Variants in HTR2B observed in about 807,000 individuals in gnomAD.
HTR2B encodes the protein 5-HT 2B receptor.
A neutral mutation model predicts 39.8 loss-of-function variants in HTR2B; 31 were observed. The observed-to-expected ratio is 0.78, with a 90% CI of 0.58 to 1.05. The LOEUF (loss-of-function observed/expected upper bound fraction) is 1.05. Among genes scored for constraint, HTR2B ranks in the 50% least tolerant of loss-of-function variants. HTR2B has a pLI of 0.00. For missense variants in HTR2B, 562 were observed against 578.0 expected (o/e 0.97, Z 0.28); for synonymous variants, 210 against 207.1 (o/e 1.01, Z -0.12).
intron 2 of HTR2B, among the ~76,000 whole-genome samples, chr2:231,120,921 G>A (rs963330666): frequency 1.3e-5 from 2 of 152,124 alleles, no homozygotes; most frequent in African/African-American, 2.4e-5. Flanking sequence ...CATTAGTTTA[G>A]AAAAATCTTT....
intron 3 of HTR2B, 84 bp downstream of exon 3, chr2:231,113,645 A>T: frequency 8.2e-7 from 1 of 1,220,840 alleles, no homozygotes; most frequent in Non-Finnish European, 1.2e-6. Context: ...GCTGAGTTTC[A>T]TTGCCTACCA....
chr2:231,112,419 T>C (rs1695183498), intron 3 of HTR2B, among the ~76,000 whole-genome samples: 1 of 152,202 alleles, frequency 6.6e-6, no homozygotes, highest in African/African-American at 2.4e-5. Flanking sequence ...CCTGTTTTCT[T>C]CCCATACCAG....
intron 3 of HTR2B, among the ~76,000 whole-genome samples, chr2:231,111,775 T>C (rs1300043438): frequency 6.6e-6 from 1 of 152,244 alleles, no homozygotes; most frequent in African/African-American, 2.4e-5. Flanking sequence ...TCTTTTTTCT[T>C]ACCTACAAAA....
intron 1 of HTR2B, 125 bp downstream of exon 1, chr2:231,124,847 T>C (rs902816638): frequency 2.0e-5 from 3 of 152,186 alleles, no homozygotes; most frequent in African/African-American, 7.2e-5. Context: ...CCTTTAGCAT[T>C]AGTAAATTTT....
chr2:231,109,143 G>T lies in HTR2B; in HGVS notation c.820C>A (p.Pro274Thr), dbSNP rs1297219758. The stretch of plus-strand genomic sequence containing the variant: ...GCCACCTTTTCCGGTGACGAGCAAG[G>T]TGTTTCATCCCTTTGGAAAACTGTA... Reference protein sequence around the residue: ...VSTVFQRDETPCSSPEKVAML... With the variant: ...VSTVFQRDETTCSSPEKVAML... The change falls in exon 4 of 4, where the codon CCT (proline) becomes ACT (threonine). Residue 274 changes from proline (P) to threonine (T), a missense_variant. Physicochemically the swap from Pro to Thr is conservative, Grantham distance 38 (BLOSUM62 -1). Transcript: ENST00000258400. 6.2e-7 allele frequency: 1 copy of T among 1,614,130 alleles called. No homozygotes were observed. The highest frequency in any genetic ancestry group is 1.1e-5 in the South Asian group (1 of 91,082).
At chr2:231,117,184 A>G (rs1464013851) in intron 2 of HTR2B, among the ~76,000 whole-genome samples, 1 of 152,084 alleles carries the variant, frequency 6.6e-6, no homozygotes, top group Non-Finnish European at 1.5e-5. Context: ...TTAAGTTGGT[A>G]TGGTGAAATA....
At position 231,123,795 on chromosome 2, in the gene HTR2B, C is replaced by A. The variant is rs769725741; in HGVS notation, c.-31G>T. 6.7e-7 allele frequency: 1 copy of A among 1,501,748 alleles called. No individual in the cohort carries two copies. Among genetic ancestry groups the A allele is most frequent in the African/African-American group, 1.4e-5 (1 of 72,534 alleles). 93.0% of individuals were successfully genotyped at this position (1,501,748 alleles called of 1,614,324 possible). On this transcript the variant is annotated 5_prime_UTR_variant, in exon 2 of 4. Coordinates refer to ENST00000258400, the MANE Select transcript of HTR2B (RefSeq NM_000867.5). ...GTTTTTCTGTGATTCAATCCCGTTC[C>A]GAACAGTGGTCAGCATGGTTAGTAG... is the stretch of plus-strand genomic sequence containing the variant.
intron 2 of HTR2B, among the ~76,000 whole-genome samples, chr2:231,115,666 A>G (rs528834040): frequency 2.0e-5 from 3 of 152,142 alleles, no homozygotes; most frequent in Non-Finnish European, 2.9e-5. Context: ...ATTACCATTG[A>G]TCTTGCAGAT....
chr2:231,122,249 G>T (rs2125230632), intron 2 of HTR2B, among the ~76,000 whole-genome samples: 1 of 152,170 alleles, frequency 6.6e-6, no homozygotes, highest in Non-Finnish European at 1.5e-5. Context: ...GGTAAATGTT[G>T]ATTTAAAATG....
chr2:231,114,126 C>T (rs1382440161), intron 2 of HTR2B, among the ~76,000 whole-genome samples, 197 bp from the exon 3 acceptor site: 1 of 152,114 alleles, frequency 6.6e-6, no homozygotes, highest in East Asian at 1.9e-4. Context: ...CTTTTAAATA[C>T]ATTTTCTATT....
chr2:231,123,962 A>T lies in HTR2B; in HGVS notation c.-198T>A, dbSNP rs2125234097. 1 of 576,720 alleles carries T rather than the reference A, an allele frequency of 1.7e-6. No individual in the cohort carries two copies. Among genetic ancestry groups the T allele is most frequent in the East Asian group, 3.0e-5 (1 of 33,750 alleles). 35.7% of individuals were successfully genotyped at this position (576,720 alleles called of 1,614,324 possible). A position where few individuals can be genotyped will look rare whatever the true frequency, so the allele number is the denominator to read the frequency against. On this transcript the variant is annotated 5_prime_UTR_variant, in exon 2 of 4. Coordinates refer to ENST00000258400, the MANE Select transcript of HTR2B (RefSeq NM_000867.5). Reference sequence around the variant, plus strand: ...ACATCTGTCCATGTTTGTAGGTAAGATATCCAAGTATTTATTATTTTCTAG... The same window carrying T: ...ACATCTGTCCATGTTTGTAGGTAAGTTATCCAAGTATTTATTATTTTCTAG...
chr2:231,108,598 A>G lies in HTR2B; in HGVS notation c.1365T>C (p.Ser455=). ...GCGTATCTAGTAGAATGATTGATGA[A>G]GACTGAATGGTTGAACTTCGGAGCC... The part of the protein sequence containing the change: ...PMRLRSSTIQ[S]SSIILLDTLL... Residue 455 remains serine (S), a synonymous_variant, in exon 4 of 4, where the codon TCT becomes TCC. Coordinates refer to ENST00000258400, the MANE Select transcript of HTR2B (RefSeq NM_000867.5). 6.2e-7 allele frequency: 1 copy of G among 1,613,982 alleles called. No homozygotes were observed. The highest frequency in any genetic ancestry group is 8.5e-7 in the Non-Finnish European group (1 of 1,179,932).
chr2:231,114,044 A>G, intron 2 of HTR2B, 115 bp from the exon 3 acceptor site: 1 of 775,068 alleles, frequency 1.3e-6, no homozygotes. Flanking sequence ...GAAATTTTAT[A>G]ACTTTAACAA....
At chr2:231,123,274 G>A in intron 2 of HTR2B, 139 bp downstream of exon 2, 1 of 721,824 alleles carries the variant, frequency 1.4e-6, no homozygotes, top group Non-Finnish European at 2.5e-6. Flanking sequence ...TAAAACAAGG[G>A]ACTGTTTACT....
chr2:231,121,008 T>C (rs1695521535), intron 2 of HTR2B, among the ~76,000 whole-genome samples: 1 of 152,218 alleles, frequency 6.6e-6, no homozygotes, highest in Non-Finnish European at 1.5e-5. Flanking sequence ...TACATGCAGT[T>C]CCCAATTTAT....
intron 3 of HTR2B, among the ~76,000 whole-genome samples, chr2:231,110,343 T>C (rs1246344873): frequency 6.6e-6 from 1 of 152,164 alleles, no homozygotes. Flanking sequence ...TTTTATGACC[T>C]GGGAAAGAAA....
At chr2:231,114,220 C>A (rs912503108) in intron 2 of HTR2B, among the ~76,000 whole-genome samples, 1 of 152,068 alleles carries the variant, frequency 6.6e-6, no homozygotes, top group Admixed American at 6.5e-5. Context: ...TTTGTCGATT[C>A]CATTTGTGAT....
At chr2:231,113,659 C>T (rs1361758196) in intron 3 of HTR2B, 70 bp downstream of exon 3, 2 of 1,359,530 alleles carry the variant, frequency 1.5e-6, no homozygotes, top group African/African-American at 1.4e-5. Flanking sequence ...CCTACCAGAC[C>T]TGGTATTCTC....
intron 2 of HTR2B, among the ~76,000 whole-genome samples, chr2:231,114,544 A>G (rs17586405): frequency 0.035 from 5,357 of 152,288 alleles, 111 homozygotes; most frequent in East Asian, 0.11. Flanking sequence ...AGAAAAGTAG[A>G]TTGTTTCCCC....
Sources: allele counts gnomAD v4.1 joint callset (sites outside exome capture counted in the v4.1 genomes callset), GRCh38; gene constraint gnomAD v4.1.1; transcripts MANE v1.5; gene names NCBI Gene and HGNC (gene_info 2026-07-23, HGNC 2026-07-21).